MLLT10: variants seen among roughly 807,000 people sequenced by gnomAD.
MLLT10 encodes MLLT10 histone lysine methyltransferase DOT1L cofactor, also known as protein AF-10.
A neutral mutation model predicts 129.1 loss-of-function variants in MLLT10; 30 were observed. The observed-to-expected ratio is 0.23, with a 90% confidence interval of 0.17 to 0.32. The LOEUF (loss-of-function observed/expected upper bound fraction) is 0.32. Ranked by LOEUF, MLLT10 falls within the 10% of genes least tolerant of loss-of-function variation. The pLI, the probability that MLLT10 is intolerant of heterozygous loss-of-function variation, is 1.00. For synonymous variants in MLLT10, 490 were observed against 446.4 expected (o/e 1.10, Z -1.23); for missense variants, 1,119 against 1,268.3 (o/e 0.88, Z 1.79).
At chr10:21,670,855 A>T (rs1446399923) in intron 10 of MLLT10, 151 bp downstream of exon 10, 2 of 853,510 alleles carry the variant, frequency 2.3e-6, no homozygotes, top group Non-Finnish European at 1.7e-6. Flanking sequence ...TACTTTAAAG[A>T]TAGTGTTTCC....
intron 14 of MLLT10, among the ~76,000 whole-genome samples, chr10:21,717,592 C>CTCT (rs1197825670): frequency 1.6e-5 from 2 of 124,836 alleles, no homozygotes; most frequent in African/African-American, 6.1e-5. Context: ...CTTCCTCTTC[C>CTCT]TCTTCTTTCT....
chr10:21,538,454 C>T (rs560166915), intron 2 of MLLT10, among the ~76,000 whole-genome samples: 5 of 151,880 alleles, frequency 3.3e-5, no homozygotes, highest in African/African-American at 4.8e-5. Flanking sequence ...TGAGCCACTG[C>T]GCCTGGCCTA....
At chr10:21,553,372 C>CTGGA (rs903154540) in intron 3 of MLLT10, among the ~76,000 whole-genome samples, 18 of 149,742 alleles carry the variant, frequency 1.2e-4, no homozygotes, top group African/African-American at 4.4e-4. Context: ...GTCACCTGGG[C>CTGGA]TGGAGTGCAG....
intron 14 of MLLT10, among the ~76,000 whole-genome samples, chr10:21,717,495 T>TCCTCCTCCTCCTCCTTCTCCACCA (rs2056679785): frequency 1.6e-5 from 1 of 61,958 alleles, no homozygotes; most frequent in African/African-American, 5.9e-5. Context: ...CTCCTCCTCC[T>TCCTCCTCCTCCTCCTTCTCCACCA]CCTCCTCCTC....
intron 8 of MLLT10, 29 bp from the exon 9 acceptor site, chr10:21,651,644 A>G (rs2049041378): frequency 1.2e-5 from 19 of 1,524,578 alleles, no homozygotes; most frequent in Non-Finnish European, 1.7e-5. Context: ...GTTAAATTAA[A>G]ATTGGATTTT....
intron 3 of MLLT10, among the ~76,000 whole-genome samples, chr10:21,584,174 T>A (rs2041764324): frequency 8.3e-6 from 1 of 120,026 alleles, no homozygotes. Context: ...AGCCTTTTTT[T>A]TTTTTTGAGA....
At chr10:21,536,421 A>C (rs1211761120) in intron 2 of MLLT10, among the ~76,000 whole-genome samples, 1 of 152,196 alleles carries the variant, frequency 6.6e-6, no homozygotes, top group Non-Finnish European at 1.5e-5. Flanking sequence ...AAAATTTGAT[A>C]ATTTCTATGT....
At chr10:21,580,300 A>G (rs1035874171) in intron 3 of MLLT10, among the ~76,000 whole-genome samples, 2 of 152,080 alleles carry the variant, frequency 1.3e-5, no homozygotes, top group Non-Finnish European at 2.9e-5. Flanking sequence ...ACTTGACAAT[A>G]TAACGGAAAT....
chr10:21,558,230 C>G (rs1457634292), intron 3 of MLLT10, among the ~76,000 whole-genome samples: 1 of 151,902 alleles, frequency 6.6e-6, no homozygotes, highest in African/African-American at 2.4e-5. Flanking sequence ...GGACTACAGG[C>G]GTGAGCCACT....
intron 5 of MLLT10, among the ~76,000 whole-genome samples, chr10:21,604,032 G>A (rs2043819632): frequency 6.6e-6 from 1 of 152,034 alleles, no homozygotes. Flanking sequence ...GATACTGGGT[G>A]TTAAGGACTT....
intron 13 of MLLT10, among the ~76,000 whole-genome samples, chr10:21,692,253 C>G (rs912462064): frequency 2.0e-5 from 3 of 151,862 alleles, no homozygotes; most frequent in African/African-American, 7.3e-5. Flanking sequence ...AAAGACTAGA[C>G]ATACAGAGAT....
rs760139869 is a variant in MLLT10 at position 21,740,067 on chromosome 10, A to G, written c.2993A>G (p.His998Arg). Reference sequence around the variant, plus strand: ...GCCTTTTTGTATCAGTTAATGCAACATCACCACCAGCAGCACCACCAACCT... The same window carrying G: ...GCCTTTTTGTATCAGTTAATGCAACGTCACCACCAGCAGCACCACCAACCT... The part of the protein sequence containing the change: ...HQAFLYQLMQ[H>R]HHQQHHQPEL... Residue 998 changes from histidine (H) to arginine (R), a missense_variant, in exon 22 of 23, where the codon CAT becomes CGT. Transcript: ENST00000307729. 8.1e-6 allele frequency: 13 copies of G among 1,613,482 alleles called. No individual in the cohort carries two copies. The highest frequency in any genetic ancestry group is 1.1e-5 in the Non-Finnish European group (13 of 1,179,698).
At chr10:21,565,993 C>T (rs1199673304) in intron 3 of MLLT10, among the ~76,000 whole-genome samples, 3 of 139,302 alleles carry the variant, frequency 2.2e-5, no homozygotes, top group Non-Finnish European at 3.0e-5. Flanking sequence ...CTCTCTGTCA[C>T]CCTGGGTAGA....
At chr10:21,624,328 A>C (rs981155761) in intron 8 of MLLT10, among the ~76,000 whole-genome samples, 1 of 152,212 alleles carries the variant, frequency 6.6e-6, no homozygotes, top group Non-Finnish European at 1.5e-5. Flanking sequence ...CTTGTTTTGA[A>C]GCTAAAATGA....
chr10:21,654,819 G>T (rs2049389880), intron 9 of MLLT10, among the ~76,000 whole-genome samples: 1 of 152,134 alleles, frequency 6.6e-6, no homozygotes, highest in Non-Finnish European at 1.5e-5. Context: ...AGTGGGTAGG[G>T]AAATGAGGAC....
At chr10:21,628,888 A>G (rs910243653) in intron 8 of MLLT10, among the ~76,000 whole-genome samples, 5 of 151,828 alleles carry the variant, frequency 3.3e-5, no homozygotes, top group Non-Finnish European at 7.4e-5. Flanking sequence ...AGCTGGGACT[A>G]CAGGTGTGTG....
intron 2 of MLLT10, among the ~76,000 whole-genome samples, chr10:21,535,566 A>G (rs1472050628): frequency 2.6e-5 from 4 of 152,120 alleles, no homozygotes; most frequent in Non-Finnish European, 5.9e-5. Context: ...TCTGGTTGTT[A>G]ACAATTGATG....
intron 15 of MLLT10, 121 bp downstream of exon 15, chr10:21,726,476 T>C (rs897405364): frequency 8.7e-6 from 5 of 574,092 alleles, no homozygotes; most frequent in Middle Eastern, 2.8e-4. Context: ...ATTTGTACTT[T>C]AAAAAAATAT....
intron 18 of MLLT10, 35 bp from the exon 19 acceptor site, chr10:21,733,469 G>A (rs1202473629): frequency 4.5e-5 from 59 of 1,302,992 alleles, no homozygotes; most frequent in Non-Finnish European, 6.0e-5. Context: ...ATTTAATAGG[G>A]TAAATAGGTT....
Sources: allele counts gnomAD v4.1 joint callset (sites outside exome capture counted in the v4.1 genomes callset), GRCh38; gene constraint gnomAD v4.1.1; transcripts MANE v1.5; gene names NCBI Gene and HGNC (gene_info 2026-07-23, HGNC 2026-07-21).